GBE1: variants seen among roughly 807,000 people sequenced by gnomAD.
GBE1 encodes the protein 1,4-alpha-glucan branching enzyme 1.
Under a neutral mutation model 88.8 loss-of-function variants are expected in GBE1, and 70 were observed. That is an observed-to-expected ratio of 0.79 (90% CI 0.65 to 0.96). The LOEUF is 0.96. Ranked by LOEUF, GBE1 falls within the 40% of genes least tolerant of loss-of-function variation. The pLI is 0.00. For missense variants in GBE1, 872 were observed against 871.0 expected (o/e 1.00, Z -0.01); for synonymous variants, 284 against 300.1 (o/e 0.95, Z 0.56).
At chr3:81,583,357 T>C (rs1488328551) in intron 10 of GBE1, among the ~76,000 whole-genome samples, 1 of 152,128 alleles carries the variant, frequency 6.6e-6, no homozygotes, top group African/African-American at 2.4e-5. Flanking sequence ...GGTTCAGTAA[T>C]TGTAGTGTTT....
In GBE1 at chr3:81,629,234, T is replaced by G. The variant is rs1337471894; in HGVS notation, c.992+13547A>C. Among the ~76,000 whole-genome samples, 17 of 133,568 alleles carry G rather than the reference T, an allele frequency of 1.3e-4. No homozygotes were observed. The East Asian group carries it at 3.9e-3, about 31-fold the overall frequency. 87.6% of individuals were successfully genotyped at this position (133,568 alleles called of 152,430 possible). A position where few individuals can be genotyped will look rare whatever the true frequency, so the allele number is the denominator to read the frequency against. ...TGATATTCCCCTTCCTGTGTCCATGTGATCTCATTGTTCAATTCCCACCTA... is the reference window on the plus strand; with the variant it reads ...TGATATTCCCCTTCCTGTGTCCATGGGATCTCATTGTTCAATTCCCACCTA... On this transcript the variant is annotated intron_variant, in intron 7 of 15. Transcript: ENST00000429644.
chr3:81,499,713 A>G (rs1411322260), intron 14 of GBE1, among the ~76,000 whole-genome samples: 1 of 152,200 alleles, frequency 6.6e-6, no homozygotes, highest in Non-Finnish European at 1.5e-5. Context: ...TGGATTTTGC[A>G]TCTGTGAATT....
chr3:81,701,264 T>TA (rs894569606), intron 2 of GBE1, among the ~76,000 whole-genome samples: 1 of 152,058 alleles, frequency 6.6e-6, no homozygotes, highest in Non-Finnish European at 1.5e-5. Flanking sequence ...AGCTGTTAGC[T>TA]AAAAAAACTA....
At chr3:81,627,102 G>C (rs1704428347) in intron 7 of GBE1, among the ~76,000 whole-genome samples, 1 of 151,968 alleles carries the variant, frequency 6.6e-6, no homozygotes, top group Admixed American at 6.6e-5. Context: ...TCTATATCTG[G>C]GTATAAAAGG....
chr3:81,761,601 G>T lies in GBE1; in HGVS notation c.-84C>A. ...CTGGAGCTCTAGCTGGGACGCGGCGGCTAGGGCGGAGCCGGAGGGCGCCTA... is the reference window on the plus strand; with the variant it reads ...CTGGAGCTCTAGCTGGGACGCGGCGTCTAGGGCGGAGCCGGAGGGCGCCTA... On this transcript the variant is annotated 5_prime_UTR_variant, in exon 1 of 16. Transcript: ENST00000429644. 1.3e-6 allele frequency: 2 copies of T among 1,496,044 alleles called. No individual in the cohort carries two copies. The highest frequency in any genetic ancestry group is 1.8e-6 in the Non-Finnish European group (2 of 1,119,696). The allele number at this position is 1,496,044 out of a possible 1,614,324, so 92.7% of individuals were successfully genotyped here. A position where few individuals can be genotyped will look rare whatever the true frequency, so the allele number is the denominator to read the frequency against.
chr3:81,592,402 A>G (rs1162015642), intron 8 of GBE1, among the ~76,000 whole-genome samples: 2 of 147,240 alleles, frequency 1.4e-5, no homozygotes, highest in Middle Eastern at 3.4e-3. Context: ...TATGAGTCCA[A>G]CCATTTTTTT....
At chr3:81,712,945 G>A (rs1384451956) in intron 1 of GBE1, among the ~76,000 whole-genome samples, 3 of 151,896 alleles carry the variant, frequency 2.0e-5, no homozygotes, top group African/African-American at 7.3e-5. Flanking sequence ...CCAAATGAAG[G>A]TTAACCACTC....
intron 2 of GBE1, among the ~76,000 whole-genome samples, chr3:81,701,710 A>G (rs764647338): frequency 8.6e-5 from 13 of 151,936 alleles, no homozygotes; most frequent in Non-Finnish European, 1.6e-4. Context: ...TCTAAATCCC[A>G]TCATTTTTTA....
At chr3:81,620,956 C>T (rs774929846) in intron 7 of GBE1, among the ~76,000 whole-genome samples, 10 of 152,134 alleles carry the variant, frequency 6.6e-5, no homozygotes, top group Non-Finnish European at 1.2e-4. Context: ...ACTCAGTATA[C>T]GAGAGGACAG....
intron 1 of GBE1, among the ~76,000 whole-genome samples, chr3:81,729,873 G>A (rs751446059): frequency 6.6e-6 from 1 of 152,074 alleles, no homozygotes; most frequent in Non-Finnish European, 1.5e-5. Context: ...AGCCAACAAA[G>A]AGCAGGATGC....
chr3:81,576,570 C>T (rs977601082), intron 12 of GBE1, among the ~76,000 whole-genome samples: 8 of 152,166 alleles, frequency 5.3e-5, no homozygotes, highest in South Asian at 2.1e-4. Flanking sequence ...TAAGGCCTTA[C>T]GGAGTGCCCA....
chr3:81,552,584 A>C (rs984691226), intron 12 of GBE1, among the ~76,000 whole-genome samples: 6 of 151,292 alleles, frequency 4.0e-5, no homozygotes, highest in African/African-American at 1.5e-4. Context: ...AATAATCTTC[A>C]TCAGCAATGT....
At chr3:81,695,384 C>T (rs1018166185) in intron 2 of GBE1, among the ~76,000 whole-genome samples, 12 of 152,076 alleles carry the variant, frequency 7.9e-5, no homozygotes, top group African/African-American at 2.2e-4. Flanking sequence ...ATGAAAGAAG[C>T]CAGACACAAA....
chr3:81,715,877 G>T (rs905937945), intron 1 of GBE1, among the ~76,000 whole-genome samples: 1 of 151,920 alleles, frequency 6.6e-6, no homozygotes, highest in Non-Finnish European at 1.5e-5. Context: ...TCATTTAGTT[G>T]TAAATTATTA....
chr3:81,668,052 G>T (rs771811016), intron 3 of GBE1, among the ~76,000 whole-genome samples: 1 of 152,172 alleles, frequency 6.6e-6, no homozygotes, highest in African/African-American at 2.4e-5. Flanking sequence ...AAAAAGAAAT[G>T]AGATCATATC....
intron 12 of GBE1, among the ~76,000 whole-genome samples, chr3:81,556,885 A>C (rs1360176931): frequency 1.3e-5 from 2 of 152,122 alleles, no homozygotes; most frequent in South Asian, 2.1e-4. Context: ...TTTTAGGACA[A>C]CTTAAAATTT....
At position 81,561,496 on chromosome 3, in the gene GBE1, A is replaced by T. The variant is rs192797939; in HGVS notation, c.1618+16429T>A. ...ATCTTTAGCAAGACCTTATTTTTTT[A>T]AAAAAATGAAGTGGATGATTTCAAA... On this transcript the variant is annotated intron_variant, in intron 12 of 15. Transcript: ENST00000429644. 1.5e-3 allele frequency among the ~76,000 whole-genome samples: 224 copies of T among 152,076 alleles called. 2 individuals carry two copies. The highest frequency in any genetic ancestry group is 5.1e-3 in the Admixed American group (78 of 15,226).
At chr3:81,541,521 G>A (rs2106878848) in intron 12 of GBE1, among the ~76,000 whole-genome samples, 1 of 149,292 alleles carries the variant, frequency 6.7e-6, no homozygotes, top group African/African-American at 2.4e-5. Flanking sequence ...TTTAGGTGAT[G>A]GGGCTTTGGG....
At chr3:81,552,829 A>G (rs1291181716) in intron 12 of GBE1, among the ~76,000 whole-genome samples, 1 of 152,202 alleles carries the variant, frequency 6.6e-6, no homozygotes, top group Non-Finnish European at 1.5e-5. Context: ...TCATTTATTG[A>G]GAGCCTCCTA....
Sources: allele counts gnomAD v4.1 joint callset (sites outside exome capture counted in the v4.1 genomes callset), GRCh38; gene constraint gnomAD v4.1.1; transcripts MANE v1.5; gene names NCBI Gene and HGNC (gene_info 2026-07-23, HGNC 2026-07-21).